WASHC4: variants seen among roughly 807,000 people sequenced by gnomAD.
WASHC4 encodes WASH complex subunit 7.
Under a neutral mutation model 166.6 loss-of-function variants are expected in WASHC4, and 86 were observed. The ratio of observed to expected loss-of-function variants is 0.52; its 90% CI spans 0.43 to 0.62. The LOEUF is 0.62. Ranked by LOEUF, WASHC4 falls within the 20% of genes least tolerant of loss-of-function variation. The pLI, the probability that WASHC4 is intolerant of heterozygous loss-of-function variation, is 0.00. For synonymous variants in WASHC4, 446 were observed against 451.6 expected, an observed-to-expected ratio of 0.99 and a Z score of 0.16; for missense variants, 1,262 against 1,382.4, an observed-to-expected ratio of 0.91 and a Z score of 1.38.
At chr12:105,145,260 A>T (rs1883196652) in intron 22 of WASHC4, among the ~76,000 whole-genome samples, 1 of 151,986 alleles carries the variant, frequency 6.6e-6, no homozygotes, top group Admixed American at 6.6e-5. Flanking sequence ...AAAAATGGTT[A>T]AATTTACATG....
At chr12:105,146,036 A>G (rs1246331759) in intron 22 of WASHC4, among the ~76,000 whole-genome samples, 3 of 152,162 alleles carry the variant, frequency 2.0e-5, no homozygotes. Context: ...ATTACATATA[A>G]GGAACCTTGC....
chr12:105,136,089 T>G (rs1164230118), intron 14 of WASHC4, among the ~76,000 whole-genome samples: 1 of 152,158 alleles, frequency 6.6e-6, no homozygotes, highest in East Asian at 1.9e-4. Flanking sequence ...TTGATCAAGA[T>G]GATTTGAAGC....
At chr12:105,140,840 TCTTCTGAGTCTTTTG>T in intron 16 of WASHC4, 44 bp from the exon 17 acceptor site, 2 of 1,522,260 alleles carry the variant, frequency 1.3e-6, no homozygotes, top group Admixed American at 3.4e-5. Context: ...AAGAAGTTTT[TCTTCTGAGTCTTTTG>T]TTACTGCCTC....
At chr12:105,163,082 G>T (rs572421188) in intron 30 of WASHC4, among the ~76,000 whole-genome samples, 1 of 151,768 alleles carries the variant, frequency 6.6e-6, no homozygotes, top group Non-Finnish European at 1.5e-5. Context: ...TCAGCCTCCC[G>T]AGTAGCTGGG....
intron 8 of WASHC4, 38 bp from the exon 9 acceptor site, chr12:105,121,063 T>A (rs1487711276): frequency 1.5e-6 from 2 of 1,361,170 alleles, no homozygotes; most frequent in Non-Finnish European, 2.1e-6. Flanking sequence ...AACTTCTAAC[T>A]AGTGACTAAA....
At chr12:105,111,980 C>T (rs1879719028) in intron 2 of WASHC4, among the ~76,000 whole-genome samples, 1 of 152,160 alleles carries the variant, frequency 6.6e-6, no homozygotes, top group South Asian at 2.1e-4. Flanking sequence ...ACAACCATCA[C>T]AACAGTCAAT....
At chr12:105,148,051 G>A in intron 24 of WASHC4, 5 of 985,292 alleles carry the variant, frequency 5.1e-6, no homozygotes, top group Non-Finnish European at 6.0e-6. Context: ...CTTTAGGGGA[G>A]AAGACTGAAT....
chr12:105,159,911 A>G (rs1884389414), intron 28 of WASHC4, 90 bp from the exon 29 acceptor site: 2 of 1,182,884 alleles, frequency 1.7e-6, no homozygotes, highest in East Asian at 2.3e-5. Context: ...CCTGCTTTTC[A>G]AGTGTTCTTA....
chr12:105,112,232 C>A, intron 2 of WASHC4, among the ~76,000 whole-genome samples: 1 of 152,012 alleles, frequency 6.6e-6, no homozygotes, highest in East Asian at 1.9e-4. Context: ...TTAGTACTTT[C>A]TTTTTTTGCT....
chr12:105,161,883 G>T (rs959093423), intron 29 of WASHC4, among the ~76,000 whole-genome samples: 6 of 152,106 alleles, frequency 3.9e-5, no homozygotes, highest in Non-Finnish European at 8.8e-5. Context: ...GTCACATGTG[G>T]CTACTTAAGT....
chr12:105,116,239 T>C (rs1293961839), intron 6 of WASHC4, among the ~76,000 whole-genome samples: 1 of 152,146 alleles, frequency 6.6e-6, no homozygotes, highest in East Asian at 1.9e-4. Flanking sequence ...AAATAGTGCA[T>C]GTACGATGTG....
chr12:105,153,714 T>C (rs1474141304), intron 26 of WASHC4, among the ~76,000 whole-genome samples: 1 of 152,222 alleles, frequency 6.6e-6, no homozygotes, highest in Admixed American at 6.5e-5. Flanking sequence ...AGAGCTGTCC[T>C]TCTAGAGCAG....
chr12:105,110,659 A>G (rs555311161), intron 1 of WASHC4, among the ~76,000 whole-genome samples: 1 of 152,342 alleles, frequency 6.6e-6, no homozygotes, highest in East Asian at 1.9e-4. Flanking sequence ...ATTTAGGTGT[A>G]TTATTAAACA....
chr12:105,135,641 C>G (rs990524035), intron 14 of WASHC4, among the ~76,000 whole-genome samples: 1 of 151,948 alleles, frequency 6.6e-6, no homozygotes, highest in African/African-American at 2.4e-5. Flanking sequence ...ACTCTTCGAG[C>G]ATTATTTCTT....
At chr12:105,131,873 A>G (rs1397924702) in intron 13 of WASHC4, among the ~76,000 whole-genome samples, 1 of 152,248 alleles carries the variant, frequency 6.6e-6, no homozygotes, top group Non-Finnish European at 1.5e-5. Context: ...ATTTTGTGCT[A>G]GGGTTTCACC....
rs1015130033 is a variant in WASHC4, at chr12:105,124,208, C to G, written c.787-1796C>G. On this transcript the variant is annotated intron_variant, in intron 10 of 32. Coordinates refer to ENST00000332180, the MANE Select transcript of WASHC4 (RefSeq NM_015275.3). Reference sequence around the variant, plus strand: ...TATCTCGGCTCACCACAACCTCTGCCTCACGGGTTCAAGCAATTCTCCTGC... The same window carrying G: ...TATCTCGGCTCACCACAACCTCTGCGTCACGGGTTCAAGCAATTCTCCTGC... Among the ~76,000 whole-genome samples, 3 of 151,582 alleles carry G rather than the reference C, an allele frequency of 2.0e-5. No individual in the cohort carries two copies. The South Asian group carries it at 6.3e-4, about 32-fold the overall frequency.
chr12:105,141,518 A>AT (rs1446627990), intron 18 of WASHC4, among the ~76,000 whole-genome samples: 2 of 152,194 alleles, frequency 1.3e-5, no homozygotes, highest in Admixed American at 1.3e-4. Context: ...GCATATCGTG[A>AT]TTATTATGTT....
rs1282385964 is a variant in WASHC4 at position 105,142,616 on chromosome 12, C to A, written c.1893+58C>A. 6 of 978,226 alleles carry A rather than the reference C, an allele frequency of 6.1e-6. No individual in the cohort carries two copies. In the South Asian group the frequency reaches 6.6e-5, roughly 11 times the overall value. 60.6% of individuals were successfully genotyped at this position (978,226 alleles called of 1,614,324 possible). A position where few individuals can be genotyped will look rare whatever the true frequency, so the allele number is the denominator to read the frequency against. On this transcript the variant is annotated intron_variant, in intron 19 of 32. Transcript: ENST00000332180. ...TCATTTTAAAAGTCACTGTGTAAAC[C>A]GTTTTAGTTTAAAATAGATCATTTG...
intron 6 of WASHC4, among the ~76,000 whole-genome samples, chr12:105,117,803 T>A (rs776639647): frequency 2.6e-5 from 4 of 152,178 alleles, no homozygotes; most frequent in Admixed American, 6.5e-5. Flanking sequence ...ACACACTGTT[T>A]CTATAGGTTT....
Sources: allele counts gnomAD v4.1 joint callset (sites outside exome capture counted in the v4.1 genomes callset), GRCh38; gene constraint gnomAD v4.1.1; transcripts MANE v1.5; gene names NCBI Gene and HGNC (gene_info 2026-07-23, HGNC 2026-07-21).